CCDC181: variants seen among roughly 807,000 people sequenced by gnomAD.
CCDC181 encodes the protein coiled-coil domain-containing protein 181.
Under a neutral mutation model 58.7 loss-of-function variants are expected in CCDC181, and 35 were observed. The observed-to-expected ratio is 0.60, with a 90% CI of 0.46 to 0.79. CCDC181 has a LOEUF of 0.79. Among genes scored for constraint, CCDC181 ranks in the 30% least tolerant of loss-of-function variants. The probability of loss-of-function intolerance (pLI) is 0.00; values close to 1 mark genes in which losing one functional copy is unlikely to be tolerated. For synonymous variants in CCDC181, 183 were observed against 197.5 expected (o/e 0.93, Z 0.62); for missense variants, 517 against 583.9 (o/e 0.89, Z 1.18).
intron 2 of CCDC181, among the ~76,000 whole-genome samples, chr1:169,455,220 A>C (rs375144972): frequency 1.3e-5 from 2 of 151,976 alleles, no homozygotes; most frequent in East Asian, 1.9e-4. Flanking sequence ...TTTTCATTTA[A>C]ATTTTTTCTT....
intron 2 of CCDC181, among the ~76,000 whole-genome samples, chr1:169,457,073 T>C (rs901195920): frequency 2.6e-5 from 4 of 152,198 alleles, no homozygotes; most frequent in African/African-American, 9.6e-5. Flanking sequence ...TCATTACTGT[T>C]GCCTTCTAGC....
intron 2 of CCDC181, among the ~76,000 whole-genome samples, chr1:169,443,798 G>A (rs752049154): frequency 5.3e-5 from 8 of 152,112 alleles, no homozygotes; most frequent in Admixed American, 1.3e-4. Flanking sequence ...CTCATGTGCC[G>A]TGCTAAAGCA....
At chr1:169,443,026 A>G (rs1172702007) in intron 2 of CCDC181, 3 of 151,768 alleles carry the variant, frequency 2.0e-5, no homozygotes, top group African/African-American at 7.3e-5. Flanking sequence ...ATTATATATC[A>G]GATATATCAC....
chr1:169,441,842 A>G (rs1206570138), intron 2 of CCDC181, among the ~76,000 whole-genome samples: 1 of 152,056 alleles, frequency 6.6e-6, no homozygotes, highest in East Asian at 1.9e-4. Context: ...CAATATATGT[A>G]AACAGTGCCA....
intron 4 of CCDC181, among the ~76,000 whole-genome samples, chr1:169,398,289 G>A (rs187857621): frequency 3.2e-4 from 49 of 152,072 alleles, no homozygotes; most frequent in Admixed American, 9.8e-4. Context: ...ATGAGGAGAG[G>A]ATTTTTGAAT....
intron 2 of CCDC181, among the ~76,000 whole-genome samples, chr1:169,448,042 T>C (rs1445620793): frequency 6.6e-6 from 1 of 152,162 alleles, no homozygotes; most frequent in Non-Finnish European, 1.5e-5. Flanking sequence ...TTTAACAAAC[T>C]TAAAACTAAC....
intron 2 of CCDC181, among the ~76,000 whole-genome samples, chr1:169,435,237 T>C (rs952667714): frequency 6.6e-6 from 1 of 152,080 alleles, no homozygotes; most frequent in African/African-American, 2.4e-5. Flanking sequence ...AGATCACATA[T>C]TGTATAATTC....
chr1:169,451,162 T>A (rs889246991), intron 2 of CCDC181: 3 of 151,990 alleles, frequency 2.0e-5, no homozygotes, highest in African/African-American at 7.2e-5. Flanking sequence ...TCCAAAGAAG[T>A]TTTTTTCTTT....
intron 2 of CCDC181, among the ~76,000 whole-genome samples, chr1:169,424,148 C>T (rs911391857): frequency 6.6e-6 from 1 of 151,676 alleles, no homozygotes; most frequent in Non-Finnish European, 1.5e-5. Context: ...ATATGTTTTA[C>T]AGAAATACAT....
chr1:169,452,439 AAG>A (rs1317191640), intron 2 of CCDC181: 2 of 152,044 alleles, frequency 1.3e-5, no homozygotes, highest in African/African-American at 2.4e-5. Flanking sequence ...AGTTCTTTTC[AAG>A]GAGTTTTACT....
intron 1 of CCDC181, among the ~76,000 whole-genome samples, chr1:169,426,489 T>C (rs771501554): frequency 3.3e-5 from 5 of 152,184 alleles, no homozygotes; most frequent in African/African-American, 7.2e-5. Flanking sequence ...GGAAATAAAT[T>C]CCTTCCTCCC....
chr1:169,401,711 G>A (rs973884458), intron 4 of CCDC181, among the ~76,000 whole-genome samples: 3 of 152,196 alleles, frequency 2.0e-5, no homozygotes, highest in African/African-American at 7.2e-5. Context: ...AACCAGAGTA[G>A]AAAAGCTGAA....
intron 2 of CCDC181, among the ~76,000 whole-genome samples, chr1:169,434,708 A>C (rs1657009731): frequency 6.6e-6 from 1 of 152,054 alleles, no homozygotes; most frequent in African/African-American, 2.4e-5. Context: ...CACAGCAAAC[A>C]TCATATTCAA....
chr1:169,431,385 T>A (rs1021232556), upstream of CCDC181, among the ~76,000 whole-genome samples: 1 of 152,160 alleles, frequency 6.6e-6, no homozygotes, highest in African/African-American at 2.4e-5. Context: ...ATGACTCAAA[T>A]GTCCATCAAA....
chr1:169,399,784 TA>T (rs1655236343), intron 4 of CCDC181, among the ~76,000 whole-genome samples: 1 of 151,912 alleles, frequency 6.6e-6, no homozygotes, highest in African/African-American at 2.4e-5. Flanking sequence ...TAACTGAGAG[TA>T]AGAAAAAACA....
At chr1:169,405,640 T>G (rs1034573155) in intron 4 of CCDC181, among the ~76,000 whole-genome samples, 5 of 152,282 alleles carry the variant, frequency 3.3e-5, no homozygotes, top group African/African-American at 1.2e-4. Context: ...TCCTTACGCC[T>G]TATACAAAAA....
intron 3 of CCDC181, among the ~76,000 whole-genome samples, chr1:169,420,058 C>T (rs528451466): frequency 1.9e-4 from 29 of 152,186 alleles, no homozygotes; most frequent in South Asian, 8.3e-4. Flanking sequence ...CAAATGAAAA[C>T]AGAATTATCC....
intron 4 of CCDC181, among the ~76,000 whole-genome samples, chr1:169,404,218 A>G (rs1490051636): frequency 1.3e-5 from 2 of 152,208 alleles, no homozygotes; most frequent in Non-Finnish European, 2.9e-5. Flanking sequence ...TTCACAGCCA[A>G]ATTCTACCAG....
intron 5 of CCDC181, 96 bp downstream of exon 5, chr1:169,397,141 T>A: frequency 8.4e-7 from 1 of 1,196,238 alleles, no homozygotes; most frequent in Non-Finnish European, 1.1e-6. Context: ...GAGAAAACAT[T>A]TTGAGGGTTT....
Sources: gnomAD v4.1 joint callset for allele counts (sites outside exome capture counted in the v4.1 genomes callset) on GRCh38, gnomAD v4.1.1 for gene constraint, MANE v1.5 for transcripts, NCBI Gene and HGNC (gene_info 2026-07-23, HGNC 2026-07-21) for gene names.